NGDN: variants seen among roughly 807,000 people sequenced by gnomAD.
NGDN encodes neuroguidin.
In NGDN, 41 loss-of-function variants were observed where a neutral mutation model predicts 45.2. That is an observed-to-expected ratio of 0.91 (90% CI 0.71 to 1.18). The LOEUF (loss-of-function observed/expected upper bound fraction) is 1.18, where lower values mean the gene tolerates loss of function less well. Ranked by LOEUF, NGDN falls within the 50% of genes most tolerant of loss-of-function variation. The pLI is 0.00. For missense variants in NGDN, 402 were observed against 399.9 expected (o/e 1.01, Z -0.05); for synonymous variants, 137 against 130.9 (o/e 1.05, Z -0.32).
downstream of NGDN, chr14:23,478,261 T>C (rs1357697508): frequency 4.5e-6 from 2 of 442,888 alleles, no homozygotes; most frequent in Non-Finnish European, 8.0e-6. Flanking sequence ...AAGGGAAATT[T>C]TTTTTGGAAG....
At chr14:23,476,871 G>A (rs899595054) in intron 8 of NGDN, among the ~76,000 whole-genome samples, 9 of 152,314 alleles carry the variant, frequency 5.9e-5, no homozygotes, top group Middle Eastern at 3.4e-3. Context: ...AGTCTTTGCA[G>A]TTGATGGATT....
intron 3 of NGDN, 105 bp downstream of exon 3, chr14:23,471,082 A>G (rs958140019): frequency 1.4e-6 from 1 of 704,692 alleles, no homozygotes; most frequent in African/African-American, 1.9e-5. Flanking sequence ...CGAGCTTCAA[A>G]CATAAATATG....
intron 4 of NGDN, 111 bp from the exon 5 acceptor site, chr14:23,475,447 C>A: frequency 7.4e-7 from 1 of 1,350,640 alleles, no homozygotes; most frequent in Non-Finnish European, 1.0e-6. Context: ...TATTCATTTG[C>A]TCTACTTTGT....
rs1893922677 is a variant in NGDN at position 23,477,200 on chromosome 14, G to A, written c.714G>A (p.Arg238=). The A allele has an allele frequency of 6.2e-7, 1 of 1,613,842 alleles. No individual in the cohort carries two copies. Among genetic ancestry groups the A allele is most frequent in the African/African-American group, 1.3e-5 (1 of 74,908 alleles). Residue 238 remains arginine (R), a splice_region_variant and synonymous_variant, in exon 9 of 11, where the codon AGG becomes AGA. Coordinates refer to ENST00000408901, the MANE Select transcript of NGDN (RefSeq NM_001042635.2). ...VTRQSQEDQH[R]INYEESMMVR... ...GCTGGAAACTGTCTTTCTCTGGCAG[G>A]ATTAACTATGAGGAGAGCATGATGG...
Position 23,470,778 on chromosome 14 carries a change from A to C in NGDN, c.73-128A>C, listed in dbSNP as rs1363857773. ...CTCCTATGCTTTCCGAGAAGTGAGA[A>C]GATAGTACTATACTTTAGACAGTGT... On this transcript the variant is annotated intron_variant, in intron 2 of 10. Coordinates refer to ENST00000408901, the MANE Select transcript of NGDN (RefSeq NM_001042635.2). 3 of 587,666 alleles carry C rather than the reference A, an allele frequency of 5.1e-6. 1 individual carries two copies. Among genetic ancestry groups the C allele is most frequent in the Non-Finnish European group, 8.8e-6 (3 of 340,932 alleles). The allele number at this position is 587,666 out of a possible 1,614,324, so 36.4% of individuals were successfully genotyped here. A position where few individuals can be genotyped will look rare whatever the true frequency, so the allele number is the denominator to read the frequency against.
chr14:23,470,673 C>T (rs527669954), intron 2 of NGDN, among the ~76,000 whole-genome samples: 3 of 152,192 alleles, frequency 2.0e-5, no homozygotes, highest in Admixed American at 6.5e-5. Flanking sequence ...CTTTTCTCCT[C>T]CCTGTGGTTC....
At position 23,475,781 on chromosome 14, in the gene NGDN, A is replaced by G. The variant is rs2138725142; in HGVS notation, c.420+3A>G. 6.2e-7 allele frequency: 1 copy of G among 1,612,438 alleles called. No individual in the cohort carries two copies. The highest frequency in any genetic ancestry group is 8.5e-7 in the Non-Finnish European group (1 of 1,179,850). ...ATCCCAGCAATATGATGAGCAAGGT[A>G]AGGGGTTGTAGTATTCTCCTGATTT... On this transcript the variant is annotated splice_donor_region_variant and intron_variant, in intron 6 of 10. Coordinates refer to ENST00000408901, the MANE Select transcript of NGDN (RefSeq NM_001042635.2).
At chr14:23,474,509 G>A (rs1453514957) in intron 3 of NGDN, among the ~76,000 whole-genome samples, 1 of 152,096 alleles carries the variant, frequency 6.6e-6, no homozygotes, top group African/African-American at 2.4e-5. Context: ...CCTAGGGGTA[G>A]CAGTTACTTG....
At position 23,476,394 on chromosome 14, in the gene NGDN, G is replaced by GTTACCCGCC; in HGVS notation, c.700_701insTTACCCGCC (p.Glu234delinsValThrArgGln). The stretch of plus-strand genomic sequence containing the variant: ...TCCCCATGTTACCCGCCAGAGTCAG[G>GTTACCCGCC]AGGACCAACACAGGTCTGAGCCCTT... On this transcript the variant is annotated protein_altering_variant, in exon 8 of 11. Coordinates refer to ENST00000408901, the MANE Select transcript of NGDN (RefSeq NM_001042635.2). The GTTACCCGCC allele has an allele frequency of 6.2e-7, 1 of 1,611,666 alleles. No individual in the cohort carries two copies. Among genetic ancestry groups the GTTACCCGCC allele is most frequent in the Non-Finnish European group, 8.5e-7 (1 of 1,179,780 alleles).
At chr14:23,476,650 AG>A (rs1049087093) in intron 8 of NGDN, among the ~76,000 whole-genome samples, 1 of 152,180 alleles carries the variant, frequency 6.6e-6, no homozygotes, top group African/African-American at 2.4e-5. Flanking sequence ...ATGAGATTTG[AG>A]GGGGAAAAAA....
In NGDN at chr14:23,476,491, C is replaced by T. The variant is rs989781289; in HGVS notation, c.713+84C>T. The T allele has an allele frequency of 1.3e-5, 15 of 1,169,958 alleles. No individual in the cohort carries two copies. In the Admixed American group the frequency reaches 3.1e-4, roughly 25 times the overall value. 72.5% of individuals were successfully genotyped at this position (1,169,958 alleles called of 1,614,324 possible). On this transcript the variant is annotated intron_variant, in intron 8 of 10. Coordinates refer to ENST00000408901, the MANE Select transcript of NGDN (RefSeq NM_001042635.2). ...ATACTAATGTGACTAAGTTTGGTACCAAGAGAATTAATGTTACATAGAAAA... is the reference window on the plus strand; with the variant it reads ...ATACTAATGTGACTAAGTTTGGTACTAAGAGAATTAATGTTACATAGAAAA...
chr14:23,469,853 C>T (rs902198356), intron 1 of NGDN, 126 bp downstream of exon 1: 46 of 1,366,382 alleles, frequency 3.4e-5, no homozygotes, highest in Non-Finnish European at 4.5e-5. Flanking sequence ...GAGGCGGCCT[C>T]CCTAGAGTTA....
rs972455702 is a variant in NGDN at position 23,477,865 on chromosome 14, G to A, written c.929-142G>A. ...CATTTCAATTTTATTCCTACTTCTCGTCTTTTGTCCTGGGAAGATATTCAG... is the reference window on the plus strand; with the variant it reads ...CATTTCAATTTTATTCCTACTTCTCATCTTTTGTCCTGGGAAGATATTCAG... On this transcript the variant is annotated intron_variant, in intron 10 of 10. Coordinates refer to ENST00000408901, the MANE Select transcript of NGDN (RefSeq NM_001042635.2). 5.0e-5 allele frequency: 77 copies of A among 1,540,868 alleles called. No individual in the cohort carries two copies. Among genetic ancestry groups the A allele is most frequent in the East Asian group, 4.6e-4 (20 of 43,542 alleles).
chr14:23,476,867 T>C (rs187070034), intron 8 of NGDN, among the ~76,000 whole-genome samples: 1 of 152,330 alleles, frequency 6.6e-6, no homozygotes, highest in Admixed American at 6.5e-5. Flanking sequence ...GTGCAGTCTT[T>C]GCAGTTGATG....
In NGDN at chr14:23,477,715, C is replaced by T. The variant is rs1374704130; in HGVS notation, c.928+155C>T. ...TAGGTGGGCTTTTATTTTTTGCTTT[C>T]CTGAGCTGGAAATCAGCATCATTCA... On this transcript the variant is annotated intron_variant, in intron 10 of 10. Coordinates refer to ENST00000408901, the MANE Select transcript of NGDN (RefSeq NM_001042635.2). The T allele has an allele frequency of 2.7e-6, 4 of 1,467,156 alleles. No individual in the cohort carries two copies. In the African/African-American group the frequency reaches 5.7e-5, roughly 21 times the overall value. The allele number at this position is 1,467,156 out of a possible 1,614,324, so 90.9% of individuals were successfully genotyped here.
intron 8 of NGDN, 69 bp from the exon 9 acceptor site, chr14:23,477,131 C>T (rs1227899812): frequency 2.7e-6 from 4 of 1,506,426 alleles, no homozygotes; most frequent in Non-Finnish European, 3.7e-6. Flanking sequence ...GATACTTGGG[C>T]CCAGGTTGTG....
At position 23,472,741 on chromosome 14, in the gene NGDN, A is replaced by G. The variant is rs74039335; in HGVS notation, c.144+1764A>G. On this transcript the variant is annotated intron_variant, in intron 3 of 10. Transcript: ENST00000408901. Reference sequence around the variant, plus strand: ...AAAATCATTGTAATAAGAGTCACTGAAGGAGTTTTAAGCACAGGAGTTACA... The same window carrying G: ...AAAATCATTGTAATAAGAGTCACTGGAGGAGTTTTAAGCACAGGAGTTACA... 5.5e-3 allele frequency among the ~76,000 whole-genome samples: 834 copies of G among 152,342 alleles called. 10 individuals carry two copies. The highest frequency in any genetic ancestry group is 0.019 in the African/African-American group (797 of 41,596).
chr14:23,470,289 C>G (rs1358774208), intron 2 of NGDN, 188 bp downstream of exon 2: 4 of 569,252 alleles, frequency 7.0e-6, no homozygotes, highest in African/African-American at 3.8e-5. Context: ...ATACAAGAAA[C>G]TCCAAAAAGA....
rs369602348 is a variant in NGDN, at chr14:23,470,149, G to A, written c.72+48G>A. 3.2e-5 allele frequency: 49 copies of A among 1,534,248 alleles called. No individual in the cohort carries two copies. In the African/African-American group the frequency reaches 6.0e-4, roughly 19 times the overall value. ...TAAATTAGTCACGGATTGGCTTTGAGTTTGTGTACTTCACCTCAAAACTTT... is the reference window on the plus strand; with the variant it reads ...TAAATTAGTCACGGATTGGCTTTGAATTTGTGTACTTCACCTCAAAACTTT... On this transcript the variant is annotated intron_variant, in intron 2 of 10. Coordinates refer to ENST00000408901, the MANE Select transcript of NGDN (RefSeq NM_001042635.2).
Sources: gnomAD v4.1 joint callset for allele counts (sites outside exome capture counted in the v4.1 genomes callset) on GRCh38, gnomAD v4.1.1 for gene constraint, MANE v1.5 for transcripts, NCBI Gene and HGNC (gene_info 2026-07-23, HGNC 2026-07-21) for gene names.